The following INPP5D variants were observed in gnomAD, a reference collection of about 807,000 sequenced individuals.
The protein encoded by INPP5D is phosphatidylinositol 3,4,5-trisphosphate 5-phosphatase 1.
In INPP5D, 33 loss-of-function variants were observed where a neutral mutation model predicts 122.9. That is an observed-to-expected ratio of 0.27 (90% CI 0.20 to 0.36). INPP5D has a LOEUF of 0.36. Ranked by LOEUF, INPP5D falls within the 10% of genes least tolerant of loss-of-function variation. The probability of loss-of-function intolerance (pLI) is 1.00; values close to 1 mark genes in which losing one functional copy is unlikely to be tolerated. For synonymous variants in INPP5D, 584 were observed against 576.2 expected, an observed-to-expected ratio of 1.01 and a Z score of -0.19; for missense variants, 1,053 against 1,412.7, an observed-to-expected ratio of 0.75 and a Z score of 4.08.
chr2:233,170,669 C>T lies in INPP5D; in HGVS notation c.1900+65C>T, dbSNP rs560975496. The T allele has an allele frequency of 8.2e-6, 13 of 1,577,684 alleles. No individual in the cohort carries two copies. Among genetic ancestry groups the T allele is most frequent in the African/African-American group, 6.8e-5 (5 of 74,042 alleles). The stretch of plus-strand genomic sequence containing the variant: ...CTGTAATCCCAGCACTTTAGGAGGC[C>T]GAGGCGGGCGGATCACGAGATCAGG... On this transcript the variant is annotated intron_variant, in intron 16 of 26. Transcript: ENST00000445964. The surrounding 1 kb of genome is among the most constrained non-coding windows in gnomAD (Gnocchi z 4.5).
chr2:233,204,410 C>A lies in INPP5D; in HGVS notation c.3260C>A (p.Thr1087Lys). The change falls in exon 26 of 27, where the codon ACG becomes AAG. Residue 1087 changes from threonine to lysine, a missense_variant. Physicochemically the swap from Thr to Lys is moderately conservative, Grantham distance 78. Around this residue, in one of 6 missense-constraint regions of INPP5D, gnomAD observed 417 missense variants for 425.8 expected, o/e 0.98. Transcript: ENST00000445964. ...QVPAPRLRSF[T>K]CSSSAEGRAA... ...CCCGCGCCCCGGCTGCGCTCCTTCA[C>A]GTGCTCATCCTCTGCCGAGGGCAGG... 6.2e-7 allele frequency: 1 copy of A among 1,610,374 alleles called. No homozygotes were observed. Among genetic ancestry groups the A allele is most frequent in the South Asian group, 1.1e-5 (1 of 90,836 alleles).
rs1695209771 is a variant in INPP5D at position 233,197,300 on chromosome 2, A to G, written c.2694-795A>G. Among the ~76,000 whole-genome samples the G allele has an allele frequency of 6.6e-6, 1 of 152,126 alleles. No individual in the cohort carries two copies. The highest frequency in any genetic ancestry group is 1.5e-5 in the Non-Finnish European group (1 of 68,020). ...CCATAGCTTTAAGCTGATTGCCCCC[A>G]ATTCCAGGCTCCAACCTTGATCTCT... On this transcript the variant is annotated intron_variant, in intron 24 of 26. Coordinates refer to ENST00000445964, the MANE Select transcript of INPP5D (RefSeq NM_001017915.3). The surrounding 1 kb of genome is among the most constrained non-coding windows in gnomAD (Gnocchi z 4.4).
Position 233,065,627 on chromosome 2 carries a change from C to A in INPP5D, c.134+5015C>A, listed in dbSNP as rs1469225163. Among the ~76,000 whole-genome samples, 2 of 7,296 alleles carry A rather than the reference C, an allele frequency of 2.7e-4. 1 individual carries two copies. The highest frequency in any genetic ancestry group is 0.018 in the South Asian group (2 of 114). 4.8% of individuals were successfully genotyped at this position (7,296 alleles called of 152,430 possible). On this transcript the variant is annotated intron_variant, in intron 1 of 26. Coordinates refer to ENST00000445964, the MANE Select transcript of INPP5D (RefSeq NM_001017915.3). ...TCTTTCTTTCTTTCTTTCTTTCTTT[C>A]TTTCTTTCTTTCTTTCTTTCTTTCT...
chr2:233,086,119 C>CTTTCTT (rs1491216543), intron 2 of INPP5D, among the ~76,000 whole-genome samples: 5 of 93,916 alleles, frequency 5.3e-5, no homozygotes, highest in African/African-American at 2.0e-4. Context: ...ATAAGATAGC[C>CTTTCTT]TCTTTCTTTC....
At chr2:233,090,773 C>T (rs1691969402) in intron 2 of INPP5D, among the ~76,000 whole-genome samples, 1 of 152,116 alleles carries the variant, frequency 6.6e-6, no homozygotes, top group Admixed American at 6.5e-5. Flanking sequence ...GCCTGGCCAA[C>T]ATGGCAAAAC....
At chr2:233,144,697 G>GTAGTGGTGATGGTGAGGGTGGAGGTGT in intron 6 of INPP5D, among the ~76,000 whole-genome samples, 1 of 118,228 alleles carries the variant, frequency 8.5e-6, no homozygotes, top group Non-Finnish European at 2.0e-5. Context: ...GGTGGAGGTG[G>GTAGTGGTGATGGTGAGGGTGGAGGTGT]TAGTAGTGAT....
At chr2:233,187,805 C>T (rs934962516) in intron 21 of INPP5D, among the ~76,000 whole-genome samples, 1 of 152,188 alleles carries the variant, frequency 6.6e-6, no homozygotes, top group Non-Finnish European at 1.5e-5. Context: ...CCTCACCCGG[C>T]CCAAGCCCGT....
At position 233,105,990 on chromosome 2, in the gene INPP5D, T is replaced by C. The variant is rs1396967099; in HGVS notation, c.199-16117T>C. Among the ~76,000 whole-genome samples the C allele has an allele frequency of 6.6e-6, 1 of 152,216 alleles. No homozygotes were observed. Among genetic ancestry groups the C allele is most frequent in the East Asian group, 1.9e-4 (1 of 5,200 alleles). ...ACGATTTGTCCCTATTGGCAGATAC[T>C]GATGATAAAACAAGTTGTGTGACAT... On this transcript the variant is annotated intron_variant, in intron 2 of 26. Coordinates refer to ENST00000445964, the MANE Select transcript of INPP5D (RefSeq NM_001017915.3). The surrounding 1 kb of genome is among the most constrained non-coding windows in gnomAD (Gnocchi z 4.0).
At position 233,114,700 on chromosome 2, in the gene INPP5D, G is replaced by A. The variant is rs116256693; in HGVS notation, c.199-7407G>A. 8.4e-3 allele frequency among the ~76,000 whole-genome samples: 1,282 copies of A among 152,210 alleles called. 17 individuals carry two copies. Among genetic ancestry groups the A allele is most frequent in the African/African-American group, 0.029 (1,216 of 41,530 alleles). On this transcript the variant is annotated intron_variant, in intron 2 of 26. Transcript: ENST00000445964. ...CCACAGGCGGGGAGTCTCCCCACTG[G>A]GAAATGGAAGTAATAAAAACAGCAG...
chr2:233,198,023 C>A, intron 24 of INPP5D, 72 bp from the exon 25 acceptor site: 1 of 1,459,376 alleles, frequency 6.9e-7, no homozygotes, highest in Non-Finnish European at 9.0e-7. Flanking sequence ...TCAGAGGACA[C>A]TTTCCTTGGG....
At chr2:233,124,489 T>C (rs1289819414) in intron 3 of INPP5D, among the ~76,000 whole-genome samples, 2 of 152,168 alleles carry the variant, frequency 1.3e-5, no homozygotes, top group Non-Finnish European at 2.9e-5. Flanking sequence ...CCTTTTGGCC[T>C]CCCTGGTCTG....
In INPP5D at chr2:233,146,227, G is replaced by T. The variant is rs1135173; in HGVS notation, c.819G>T (p.Ser273=). Reference sequence around the variant, plus strand: ...TCAGCCAACTGACAAGCCTGTTGTCGTCCATTGAAGACAAGGTACGTGTGG... The same window carrying T: ...TCAGCCAACTGACAAGCCTGTTGTCTTCCATTGAAGACAAGGTACGTGTGG... ...SKLSQLTSLL[S]SIEDKVKALL... Residue 273 remains serine (S), a synonymous_variant, in exon 7 of 27, where the codon TCG becomes TCT. Transcript: ENST00000445964. The T allele has an allele frequency of 3.4e-5, 24 of 704,068 alleles. 2 individuals are homozygous for T. The South Asian group carries it at 3.6e-4, about 10-fold the overall frequency. The allele number at this position is 704,068 out of a possible 1,614,324, so 43.6% of individuals were successfully genotyped here. A position where few individuals can be genotyped will look rare whatever the true frequency, so the allele number is the denominator to read the frequency against.
chr2:233,166,218 C>T (rs10175286), intron 13 of INPP5D, among the ~76,000 whole-genome samples: 4,050 of 152,246 alleles, frequency 0.027, 173 homozygotes, highest in African/African-American at 0.092. Context: ...GTCCCTCCCA[C>T]CAGCCCCTGC....
rs113536151 is a variant in INPP5D, at chr2:233,169,416, T to C, written c.1652+15T>C. 1 of 1,573,936 alleles carries C rather than the reference T, an allele frequency of 6.4e-7. No homozygotes were observed. Among genetic ancestry groups the C allele is most frequent in the South Asian group, 1.2e-5 (1 of 85,694 alleles). ...AAGAAACTCAGGTAATGGAACTCCT[T>C]CCCCCCAAGAGTGTGCATTTGGGCT... On this transcript the variant is annotated intron_variant, in intron 14 of 26. Transcript: ENST00000445964.
intron 19 of INPP5D, 143 bp downstream of exon 19, chr2:233,182,642 A>G: frequency 1.5e-6 from 2 of 1,329,254 alleles, no homozygotes; most frequent in Admixed American, 2.3e-5. Context: ...CAGTTTCTTC[A>G]TGTCCCAGCC....
chr2:233,157,339 C>G (rs1021316331), intron 9 of INPP5D, among the ~76,000 whole-genome samples: 1 of 152,048 alleles, frequency 6.6e-6, no homozygotes, highest in African/African-American at 2.4e-5. Flanking sequence ...GACCCAGAAG[C>G]TCTGGGAAAG....
chr2:233,067,922 G>T (rs910945070), intron 1 of INPP5D, among the ~76,000 whole-genome samples: 2 of 152,200 alleles, frequency 1.3e-5, no homozygotes, highest in Non-Finnish European at 2.9e-5. Flanking sequence ...AAAATGGAAA[G>T]ATGTGAGTGA....
chr2:233,064,358 C>T (rs938248093), intron 1 of INPP5D, among the ~76,000 whole-genome samples: 1 of 152,254 alleles, frequency 6.6e-6, no homozygotes, highest in Non-Finnish European at 1.5e-5. Flanking sequence ...TGTGGCCTTC[C>T]ACAGGCCACC....
chr2:233,125,674 A>C, intron 3 of INPP5D, 71 bp from the exon 4 acceptor site: 3 of 1,420,544 alleles, frequency 2.1e-6, no homozygotes, highest in Non-Finnish European at 2.9e-6. Flanking sequence ...CCTGGACCCC[A>C]TGGGGCTGCG....
Sources: gnomAD v4.1 joint callset for allele counts (sites outside exome capture counted in the v4.1 genomes callset) on GRCh38, gnomAD v4.1.1 for gene constraint, gnomAD v4.1.1 regional missense constraint, Gnocchi (gnomAD v3.1) non-coding constraint, MANE v1.5 for transcripts, NCBI Gene and HGNC (gene_info 2026-07-23, HGNC 2026-07-21) for gene names.